CUL3: variants seen among roughly 807,000 people sequenced by gnomAD.
The protein encoded by CUL3 is cullin 3.
In CUL3, 19 loss-of-function variants were observed where a neutral mutation model predicts 89.1. That is an observed-to-expected ratio of 0.21 (90% confidence interval 0.15 to 0.31). CUL3 has a LOEUF of 0.31. Ranked by LOEUF, CUL3 falls within the 10% of genes least tolerant of loss-of-function variation. The pLI is 1.00. For synonymous variants in CUL3, 351 were observed against 308.4 expected, an observed-to-expected ratio of 1.14 and a Z score of -1.45; for missense variants, 469 against 942.3, an observed-to-expected ratio of 0.50 and a Z score of 6.58.
chr2:224,557,369 A>C (rs1486308401), intron 2 of CUL3, among the ~76,000 whole-genome samples: 6 of 152,126 alleles, frequency 3.9e-5, no homozygotes, highest in African/African-American at 1.4e-4. Context: ...TAAGGAAAAA[A>C]ATTCCTTGTA....
intron 3 of CUL3, among the ~76,000 whole-genome samples, chr2:224,518,662 C>G (rs760931762): frequency 6.6e-6 from 1 of 152,100 alleles, no homozygotes; most frequent in Admixed American, 6.5e-5. Context: ...GACCTTAAGT[C>G]ACTTATTCAT....
intron 1 of CUL3, 47 bp downstream of exon 1, chr2:224,584,897 G>A (rs1695542956): frequency 7.1e-7 from 1 of 1,406,624 alleles, no homozygotes; most frequent in Admixed American, 2.3e-5. Context: ...TGCGGCTCTC[G>A]GCCCGGCCCC....
intron 6 of CUL3, among the ~76,000 whole-genome samples, chr2:224,510,911 T>G (rs1692799933): frequency 6.6e-6 from 1 of 152,190 alleles, no homozygotes; most frequent in Non-Finnish European, 1.5e-5. Context: ...TTTTGCATTT[T>G]CAGCACCCTG....
At chr2:224,531,961 T>C (rs973752549) in intron 3 of CUL3, among the ~76,000 whole-genome samples, 7 of 151,976 alleles carry the variant, frequency 4.6e-5, no homozygotes, top group Non-Finnish European at 1.0e-4. Context: ...TGATGTTGAG[T>C]AACAGACAAT....
chr2:224,582,996 A>G (rs1244657607), intron 1 of CUL3, among the ~76,000 whole-genome samples: 1 of 152,180 alleles, frequency 6.6e-6, no homozygotes, highest in Non-Finnish European at 1.5e-5. Flanking sequence ...GTCAAATTTG[A>G]GTTACTCCAC....
chr2:224,476,427 G>A (rs1023315479), intron 15 of CUL3, among the ~76,000 whole-genome samples: 1 of 152,146 alleles, frequency 6.6e-6, no homozygotes, highest in African/African-American at 2.4e-5. Context: ...CAAAAGTTCA[G>A]CAAGTTCCTG....
chr2:224,487,251 G>A (rs575148259), intron 13 of CUL3, among the ~76,000 whole-genome samples: 19 of 152,014 alleles, frequency 1.2e-4, no homozygotes, highest in Admixed American at 1.0e-3. Context: ...TGACAGGATC[G>A]AATTCACACA....
chr2:224,511,458 A>G lies in CUL3; in HGVS notation c.779T>C (p.Ile260Thr), dbSNP rs775960198. The change falls in exon 6 of 16, where the codon ATT (isoleucine) becomes ACT (threonine). Residue 260 changes from isoleucine to threonine, a missense_variant. Physicochemically the swap from Ile to Thr is moderately conservative, Grantham distance 89 (BLOSUM62 -1). Coordinates refer to ENST00000264414, the MANE Select transcript of CUL3 (RefSeq NM_003590.5). Reference sequence around the variant, plus strand: ...GAGTTCCCTTTCAACCACCTTTACAATTGGTTCTTCCGTTGATTTGTCAAG... The same window carrying G: ...GAGTTCCCTTTCAACCACCTTTACAGTTGGTTCTTCCGTTGATTTGTCAAG... ...HCLDKSTEEPIVKVVERELIS... is the reference protein window; with the variant it reads ...HCLDKSTEEPTVKVVERELIS... 6.2e-7 allele frequency: 1 copy of G among 1,613,512 alleles called. No homozygotes were observed. The highest frequency in any genetic ancestry group is 8.5e-7 in the Non-Finnish European group (1 of 1,179,676).
rs766610349 is a variant in CUL3, at chr2:224,514,786, CATATAA to C, written c.379-20_379-15del. The C allele has an allele frequency of 6.3e-7, 1 of 1,580,918 alleles. No homozygotes were observed. The highest frequency in any genetic ancestry group is 1.7e-5 in the Admixed American group (1 of 59,610). On this transcript the variant is annotated splice_polypyrimidine_tract_variant and intron_variant, in intron 3 of 15. Transcript: ENST00000264414. ...ATACACACGGTCCTACAGTTAAAGT[CATATAA>C]ATATGAGTACAGTTCTTGTGAGCAT...
chr2:224,519,804 T>C (rs1472922588), intron 3 of CUL3, among the ~76,000 whole-genome samples: 2 of 152,180 alleles, frequency 1.3e-5, no homozygotes, highest in Non-Finnish European at 2.9e-5. Flanking sequence ...GATTCTAATA[T>C]CATTTAAATT....
intron 1 of CUL3, among the ~76,000 whole-genome samples, chr2:224,571,065 T>C (rs946476145): frequency 6.6e-5 from 10 of 152,146 alleles, no homozygotes; most frequent in Admixed American, 1.3e-4. Flanking sequence ...ACAAATAAGA[T>C]ACAATAATGT....
At position 224,583,169 on chromosome 2, in the gene CUL3, G is replaced by A. The variant is rs536360283; in HGVS notation, c.66+1775C>T. 2.6e-5 allele frequency among the ~76,000 whole-genome samples: 4 copies of A among 152,218 alleles called. No homozygotes were observed. The East Asian group carries it at 7.7e-4, about 29-fold the overall frequency. ...CGAGGTCGGTGATCACCTGAGGTCG[G>A]GAGTTCGAGACCAGCCTGACCAACA... On this transcript the variant is annotated intron_variant, in intron 1 of 15. Coordinates refer to ENST00000264414, the MANE Select transcript of CUL3 (RefSeq NM_003590.5).
intron 1 of CUL3, among the ~76,000 whole-genome samples, chr2:224,572,872 T>G (rs543973338): frequency 1.2e-4 from 19 of 152,322 alleles, no homozygotes; most frequent in Admixed American, 5.2e-4. Flanking sequence ...CAGCAGAACC[T>G]GCAGCACCTT....
intron 1 of CUL3, among the ~76,000 whole-genome samples, chr2:224,561,606 G>A (rs1450757006): frequency 3.3e-5 from 5 of 152,040 alleles, no homozygotes; most frequent in Admixed American, 6.6e-5. Flanking sequence ...TTCTTTTACC[G>A]AAATCCTATC....
chr2:224,568,439 C>G (rs1695100260), intron 1 of CUL3, among the ~76,000 whole-genome samples: 1 of 152,160 alleles, frequency 6.6e-6, no homozygotes, highest in Non-Finnish European at 1.5e-5. Context: ...AAACAAATGT[C>G]TGTTGAATGA....
chr2:224,557,609 A>T (rs1694754892), intron 2 of CUL3, 50 bp downstream of exon 2: 1 of 1,322,242 alleles, frequency 7.6e-7, no homozygotes, highest in South Asian at 1.2e-5. Context: ...GGTATAAAGG[A>T]TTTTCTACAT....
intron 1 of CUL3, among the ~76,000 whole-genome samples, chr2:224,574,907 C>G (rs1275767252): frequency 6.6e-6 from 1 of 152,060 alleles, no homozygotes. Flanking sequence ...CTGTACTGAT[C>G]AAAGTCATAA....
In CUL3 at chr2:224,557,865, T is replaced by TG. The variant is rs781455993; in HGVS notation, c.67-10_67-9insC. On this transcript the variant is annotated splice_polypyrimidine_tract_variant and intron_variant, in intron 1 of 15. Coordinates refer to ENST00000264414, the MANE Select transcript of CUL3 (RefSeq NM_003590.5). ...TTTTCATCCATGGTCATCTGTAATA[T>TG]CCAAGAGAGAGAAGAGACAAAAAAA... 2 of 371,592 alleles carry TG rather than the reference T, an allele frequency of 5.4e-6. No individual in the cohort carries two copies. The highest frequency in any genetic ancestry group is 9.4e-6 in the Non-Finnish European group (2 of 211,748). The allele number at this position is 371,592 out of a possible 1,614,324, so 23.0% of individuals were successfully genotyped here.
chr2:224,476,387 T>C (rs1440420520), intron 15 of CUL3, among the ~76,000 whole-genome samples: 2 of 152,204 alleles, frequency 1.3e-5, no homozygotes, highest in Admixed American at 6.5e-5. Context: ...TGCCAATCTC[T>C]GGTGTAGACT....
Sources: allele counts gnomAD v4.1 joint callset (sites outside exome capture counted in the v4.1 genomes callset), GRCh38; gene constraint gnomAD v4.1.1; transcripts MANE v1.5; gene names NCBI Gene and HGNC (gene_info 2026-07-23, HGNC 2026-07-21).